TNKS: variants seen among roughly 807,000 people sequenced by gnomAD.
TNKS encodes the protein tankyrase.
A neutral mutation model predicts 135.8 loss-of-function variants in TNKS; 72 were observed. The observed-to-expected ratio is 0.53, with a 90% CI of 0.44 to 0.64. TNKS has a LOEUF of 0.64. Ranked by LOEUF, TNKS falls within the 30% of genes least tolerant of loss-of-function variation. The pLI is 0.00. For missense variants in TNKS, 1,769 were observed against 1,674.0 expected (o/e 1.06, Z -0.99); for synonymous variants, 849 against 649.3 (o/e 1.31, Z -4.68).
chr8:9,782,315 G>A lies in TNKS; in HGVS notation c.*5579G>A, dbSNP rs942410083. ...TGTCTAGCTCACTGTACTTGTAAATGATTAATATTCAATAAAACCATTTTT... is the reference window on the plus strand; with the variant it reads ...TGTCTAGCTCACTGTACTTGTAAATAATTAATATTCAATAAAACCATTTTT... On this transcript the variant is annotated 3_prime_UTR_variant, in exon 27 of 27. Coordinates refer to ENST00000310430, the MANE Select transcript of TNKS (RefSeq NM_003747.3). 1 of 152,622 alleles carries A rather than the reference G, an allele frequency of 6.6e-6. No homozygotes were observed. Among genetic ancestry groups the A allele is most frequent in the African/African-American group, 2.4e-5 (1 of 41,450 alleles). The allele number at this position is 152,622 out of a possible 1,614,324, so 9.5% of individuals were successfully genotyped here.
chr8:9,569,771 A>G (rs927907555), intron 1 of TNKS, among the ~76,000 whole-genome samples: 6 of 152,212 alleles, frequency 3.9e-5, no homozygotes, highest in Non-Finnish European at 7.3e-5. Context: ...GTTTGGCATT[A>G]TATCTCTTCG....
intron 2 of TNKS, among the ~76,000 whole-genome samples, chr8:9,598,659 C>A (rs1798883887): frequency 6.7e-6 from 1 of 149,450 alleles, no homozygotes; most frequent in African/African-American, 2.5e-5. Flanking sequence ...TTGCACCATG[C>A]CACTGCAGTC....
chr8:9,730,943 C>A lies in TNKS; in HGVS notation c.2055C>A (p.Ser685=), dbSNP rs1234482482. 3 of 1,614,138 alleles carry A rather than the reference C, an allele frequency of 1.9e-6. No individual in the cohort carries two copies. The Admixed American group carries it at 5.0e-5, about 27-fold the overall frequency. ...GTAGAGACTTAGAGGGCCGGCATTCCACGCCCTTACACTTCGCAGCAGGCT... is the reference window on the plus strand; with the variant it reads ...GTAGAGACTTAGAGGGCCGGCATTCAACGCCCTTACACTTCGCAGCAGGCT... ...VNCRDLEGRH[S]TPLHFAAGYN... The change falls in exon 14 of 27, where the codon TCC becomes TCA. Residue 685 remains serine (S), a synonymous_variant. Coordinates refer to ENST00000310430, the MANE Select transcript of TNKS (RefSeq NM_003747.3).
intron 3 of TNKS, among the ~76,000 whole-genome samples, chr8:9,677,814 C>T (rs1270512372): frequency 6.6e-6 from 1 of 152,122 alleles, no homozygotes; most frequent in Non-Finnish European, 1.5e-5. Context: ...TACCCATTCC[C>T]CTGTGAGTGT....
chr8:9,763,106 T>C, intron 21 of TNKS, 41 bp from the exon 22 acceptor site: 5 of 1,026,996 alleles, frequency 4.9e-6, no homozygotes, highest in Non-Finnish European at 7.3e-6. Context: ...GCCTGAGTAG[T>C]GTAGACTTTT....
Position 9,615,698 on chromosome 8 carries a change from C to T in TNKS, c.994+21C>T, listed in dbSNP as rs775684173. ...TACAGGTAAGAAGACAGAGAGCTAC[C>T]GAATGATTATATCTGTGTAACTCCT... On this transcript the variant is annotated intron_variant, in intron 3 of 26. Coordinates refer to ENST00000310430, the MANE Select transcript of TNKS (RefSeq NM_003747.3). 4.1e-5 allele frequency: 64 copies of T among 1,571,966 alleles called. No homozygotes were observed. In the East Asian group the frequency reaches 4.3e-4, roughly 11 times the overall value.
At chr8:9,748,706 C>A (rs1012391974) in intron 18 of TNKS, among the ~76,000 whole-genome samples, 2 of 152,168 alleles carry the variant, frequency 1.3e-5, no homozygotes, top group African/African-American at 4.8e-5. Context: ...ATTTTTAAGC[C>A]AGAAATGTTT....
intron 3 of TNKS, among the ~76,000 whole-genome samples, chr8:9,676,684 C>G (rs62491547): frequency 5.5e-3 from 325 of 59,226 alleles, no homozygotes; most frequent in African/African-American, 0.021. Context: ...CTCTCTCTCT[C>G]TCTGTGTGTG....
chr8:9,702,055 T>C (rs1450981734), intron 5 of TNKS, among the ~76,000 whole-genome samples: 3 of 152,150 alleles, frequency 2.0e-5, no homozygotes. Context: ...GCCTCAGTAG[T>C]AGGGGAAAAT....
intron 14 of TNKS, among the ~76,000 whole-genome samples, chr8:9,732,434 G>T (rs1000516912): frequency 5.3e-5 from 8 of 152,026 alleles, no homozygotes; most frequent in African/African-American, 1.7e-4. Flanking sequence ...CACGATTTAG[G>T]CCTCATCGAA....
intron 1 of TNKS, among the ~76,000 whole-genome samples, chr8:9,577,651 T>C (rs548076760): frequency 1.3e-5 from 2 of 152,318 alleles, no homozygotes; most frequent in African/African-American, 4.8e-5. Flanking sequence ...TCCACTCACC[T>C]ACCACCAGGC....
At chr8:9,759,007 TGTTGGACTGAAGCCCTCA>T (rs1479154761) in intron 20 of TNKS, among the ~76,000 whole-genome samples, 1 of 152,228 alleles carries the variant, frequency 6.6e-6, no homozygotes, top group Non-Finnish European at 1.5e-5. Flanking sequence ...CCTTGCAGTC[TGTTGGACTGAAGCCCTCA>T]GTTCCTTGCC....
intron 1 of TNKS, among the ~76,000 whole-genome samples, chr8:9,579,780 A>T (rs1436402481): frequency 6.6e-6 from 1 of 152,166 alleles, no homozygotes; most frequent in African/African-American, 2.4e-5. Flanking sequence ...GCAGTATTTA[A>T]ATAACCCTTG....
chr8:9,556,539 G>A lies in TNKS; in HGVS notation c.600G>A (p.Arg200=), dbSNP rs33945943. ...CRNGDVSRVK[R]LVDAANVNAK... ...ATGGGGACGTGTCCCGGGTAAAGAG[G>A]CTGGTGGACGCGGCAAACGTAAATG... The change falls in exon 1 of 27, where the codon AGG becomes AGA. Residue 200 remains arginine, a synonymous_variant. Coordinates refer to ENST00000310430, the MANE Select transcript of TNKS (RefSeq NM_003747.3). 414,872 of 1,613,902 alleles carry A rather than the reference G, an allele frequency of 0.26. 55,386 individuals are homozygous for A. The highest frequency in any genetic ancestry group is 0.4 in the East Asian group (17,865 of 44,848).
intron 2 of TNKS, among the ~76,000 whole-genome samples, chr8:9,582,163 T>G (rs1002334267): frequency 7.2e-5 from 11 of 152,222 alleles, no homozygotes; most frequent in African/African-American, 2.7e-4. Flanking sequence ...AGAAACCTCT[T>G]AGGAGGTTTA....
Position 9,556,139 on chromosome 8 carries a change from A to G in TNKS, c.200A>G (p.Glu67Gly), listed in dbSNP as rs770450915. 3.0e-5 allele frequency: 48 copies of G among 1,607,140 alleles called. No homozygotes were observed. The highest frequency in any genetic ancestry group is 4.0e-5 in the Non-Finnish European group (47 of 1,176,618). The change falls in exon 1 of 27, where the codon GAG (glutamate) becomes GGG (glycine). Residue 67 changes from glutamate to glycine, a missense_variant. Around this residue, in one of 5 missense-constraint regions of TNKS, gnomAD observed 450 missense variants for 304.9 expected, o/e 1.48. Transcript: ENST00000310430. Reference sequence around the variant, plus strand: ...CCGCGGCACGGCCTAGCGCTGCCGGAGGGGGATGGCAGTCGGGATCCGCCC... The same window carrying G: ...CCGCGGCACGGCCTAGCGCTGCCGGGGGGGGATGGCAGTCGGGATCCGCCC... Reference protein sequence around the residue: ...ASPRHGLALPEGDGSRDPPDR... With the variant: ...ASPRHGLALPGGDGSRDPPDR...
chr8:9,713,099 A>G (rs1804419798), intron 11 of TNKS, among the ~76,000 whole-genome samples: 1 of 152,142 alleles, frequency 6.6e-6, no homozygotes, highest in Admixed American at 6.5e-5. Flanking sequence ...CTGCCTTAAA[A>G]TGGCACTTTA....
chr8:9,710,512 G>T, intron 11 of TNKS: 4 of 512,528 alleles, frequency 7.8e-6, no homozygotes, highest in Non-Finnish European at 1.0e-5. Context: ...AATACTATAC[G>T]GATATATTTT....
At position 9,720,475 on chromosome 8, in the gene TNKS, C is replaced by G; in HGVS notation, c.1851C>G (p.Pro617=). The G allele has an allele frequency of 1.2e-6, 2 of 1,614,146 alleles. No homozygotes were observed. Among genetic ancestry groups the G allele is most frequent in the East Asian group, 2.2e-5 (1 of 44,858 alleles). Residue 617 remains proline, a synonymous_variant, in exon 12 of 27, where the codon CCC becomes CCG. Coordinates refer to ENST00000310430, the MANE Select transcript of TNKS (RefSeq NM_003747.3). ...TCCTGCTGAGTTACGGCTCTGACCC[C>G]TCCATCATCTCCTTACAAGGCTTCA... ...CRLLLSYGSD[P]SIISLQGFTA...
Sources: gnomAD v4.1 joint callset for allele counts (sites outside exome capture counted in the v4.1 genomes callset) on GRCh38, gnomAD v4.1.1 for gene constraint, gnomAD v4.1.1 regional missense constraint, MANE v1.5 for transcripts, NCBI Gene and HGNC (gene_info 2026-07-23, HGNC 2026-07-21) for gene names.